NAV2: variants seen among roughly 807,000 people sequenced by gnomAD.
The protein encoded by NAV2 is helicase, APC down-regulated 1.
Under a neutral mutation model 223.2 loss-of-function variants are expected in NAV2, and 54 were observed. That is an observed-to-expected ratio of 0.24 (90% CI 0.19 to 0.30). NAV2 has a LOEUF of 0.30. Ranked by LOEUF, NAV2 falls within the 10% of genes least tolerant of loss-of-function variation. The pLI is 1.00. For synonymous variants in NAV2, 1,279 were observed against 1,239.3 expected (o/e 1.03, Z -0.67); for missense variants, 2,806 against 3,147.5 (o/e 0.89, Z 2.60).
intron 1 of NAV2, among the ~76,000 whole-genome samples, chr11:19,356,134 A>G (rs1853601285): frequency 6.6e-6 from 1 of 152,130 alleles, no homozygotes; most frequent in African/African-American, 2.4e-5. Context: ...GAATGAAGGG[A>G]GTGTTAAGCA....
At chr11:19,989,995 G>C (rs1022672715) in intron 11 of NAV2, among the ~76,000 whole-genome samples, 2 of 152,128 alleles carry the variant, frequency 1.3e-5, no homozygotes, top group Admixed American at 1.3e-4. Flanking sequence ...CAAACAGCTG[G>C]AAAAGTGAAC....
chr11:19,569,686 G>A (rs1488615384), intron 1 of NAV2, among the ~76,000 whole-genome samples: 2 of 152,086 alleles, frequency 1.3e-5, no homozygotes, highest in Non-Finnish European at 2.9e-5. Flanking sequence ...TCAACTTCAA[G>A]GCAAGGAATC....
intron 4 of NAV2, among the ~76,000 whole-genome samples, chr11:19,878,343 T>A (rs1477495170): frequency 6.6e-6 from 1 of 152,212 alleles, no homozygotes; most frequent in African/African-American, 2.4e-5. Context: ...CCAAGATGAA[T>A]GAAGGACTTC....
intron 37 of NAV2, among the ~76,000 whole-genome samples, chr11:20,117,622 C>T (rs2063227203): frequency 6.6e-6 from 1 of 152,068 alleles, no homozygotes; most frequent in African/African-American, 2.4e-5. Flanking sequence ...CTGGCCAGAG[C>T]AAGGAGAAGA....
intron 1 of NAV2, among the ~76,000 whole-genome samples, chr11:19,596,994 G>C (rs2046222549): frequency 6.6e-6 from 1 of 152,170 alleles, no homozygotes; most frequent in South Asian, 2.1e-4. Flanking sequence ...CACCTAGCTG[G>C]CCCCCCTGAC....
At position 19,427,638 on chromosome 11, in the gene NAV2, C is replaced by A. The variant is rs1444553915; in HGVS notation, c.75+76611C>A. 1.3e-5 allele frequency among the ~76,000 whole-genome samples: 2 copies of A among 152,014 alleles called. 1 individual carries two copies. The highest frequency in any genetic ancestry group is 4.8e-5 in the African/African-American group (2 of 41,390). On this transcript the variant is annotated intron_variant, in intron 1 of 37. Transcript: ENST00000360655. ...TTAATTTCTGGGATGGGGGTCAAGG[C>A]GGGGCGGAATTGCAATCTCCCACAG...
At chr11:19,759,660 G>A (rs183661461) in intron 1 of NAV2, among the ~76,000 whole-genome samples, 209 of 152,224 alleles carry the variant, frequency 1.4e-3, no homozygotes, top group African/African-American at 4.7e-3. Flanking sequence ...CTACTTACTA[G>A]CTATGTTTTC....
At chr11:19,767,604 A>G (rs1332466804) in intron 1 of NAV2, among the ~76,000 whole-genome samples, 1 of 152,242 alleles carries the variant, frequency 6.6e-6, no homozygotes, top group East Asian at 1.9e-4. Context: ...ACTTTCAATG[A>G]GCACTGATCA....
intron 1 of NAV2, among the ~76,000 whole-genome samples, chr11:19,412,345 G>A (rs1253576722): frequency 2.0e-5 from 3 of 152,214 alleles, no homozygotes; most frequent in African/African-American, 4.8e-5. Context: ...AGCTCAAAAA[G>A]CTGCTGTAGC....
Position 19,578,984 on chromosome 11 carries a change from G to A in NAV2, c.75+227957G>A, listed in dbSNP as rs111858677. On this transcript the variant is annotated intron_variant, in intron 1 of 37. Transcript: ENST00000360655. The stretch of plus-strand genomic sequence containing the variant: ...GGCCTAGATGTAAATGTGTGTGTGT[G>A]TAAGTTTCAACATCCAGGACTATCA... Among the ~76,000 whole-genome samples the A allele has an allele frequency of 8.4e-3, 1,277 of 152,296 alleles. 16 individuals carry two copies. Among genetic ancestry groups the A allele is most frequent in the Admixed American group, 0.036 (558 of 15,302 alleles).
intron 10 of NAV2, among the ~76,000 whole-genome samples, chr11:19,963,796 C>T (rs1236924328): frequency 3.3e-5 from 5 of 152,098 alleles, no homozygotes; most frequent in Non-Finnish European, 7.4e-5. Context: ...TGGTTCTCTG[C>T]GTGCTGGAAA....
At chr11:19,741,942 A>G (rs576999432) in intron 1 of NAV2, among the ~76,000 whole-genome samples, 195 of 152,072 alleles carry the variant, frequency 1.3e-3, no homozygotes, top group Middle Eastern at 3.4e-3. Flanking sequence ...TATTTTTCAT[A>G]ATGCCTGCTT....
rs762113930 is a variant in NAV2 at position 20,044,144 on chromosome 11, C to G, written c.3071C>G (p.Ser1024Trp). 6.2e-7 allele frequency: 1 copy of G among 1,614,128 alleles called. No homozygotes were observed. The highest frequency in any genetic ancestry group is 1.7e-5 in the Admixed American group (1 of 60,022). Residue 1024 changes from serine to tryptophan, a missense_variant, in exon 13 of 38, where the codon TCG becomes TGG. Physicochemically the swap from Ser to Trp is radical, Grantham distance 177. This residue lies in a region of NAV2 where 742 missense variants were observed against 777.9 expected (regional missense o/e 0.95). Transcript: ENST00000349880. ...TCTGACGAGTCCGACAAAAGCACGT[C>G]GGGCAAGAAGAATCCTGTCATCTCC... ...DVSDESDKST[S>W]GKKNPVISQT...
At chr11:19,655,365 C>T (rs2048089653) in intron 1 of NAV2, among the ~76,000 whole-genome samples, 1 of 152,098 alleles carries the variant, frequency 6.6e-6, no homozygotes, top group African/African-American at 2.4e-5. Context: ...CTAGAAATAC[C>T]ATTTGACCCA....
intron 1 of NAV2, among the ~76,000 whole-genome samples, chr11:19,377,046 A>G (rs1057306589): frequency 6.6e-6 from 1 of 152,228 alleles, no homozygotes; most frequent in Non-Finnish European, 1.5e-5. Flanking sequence ...AGAAGGCTGT[A>G]AAACATGGCG....
At chr11:20,077,461 C>A (rs1282320237) in intron 22 of NAV2, 91 bp from the exon 23 acceptor site, 3 of 950,036 alleles carry the variant, frequency 3.2e-6, no homozygotes, top group Non-Finnish European at 5.0e-6. Flanking sequence ...GATCAATGGA[C>A]CCACAGGATT....
intron 8 of NAV2, among the ~76,000 whole-genome samples, chr11:19,945,352 C>G (rs1018145626): frequency 4.7e-5 from 7 of 150,182 alleles, no homozygotes; most frequent in African/African-American, 1.7e-4. Context: ...CTTCCCTTTC[C>G]TTCCCTTCCC....
At chr11:19,981,777 CCATTACT>C (rs1353233164) in intron 10 of NAV2, among the ~76,000 whole-genome samples, 1 of 152,152 alleles carries the variant, frequency 6.6e-6, no homozygotes, top group Non-Finnish European at 1.5e-5. Context: ...TGCCCATAAC[CCATTACT>C]CTACCCTGAG....
rs1420439043 is a variant in NAV2, at chr11:19,425,146, C to A, written c.75+74119C>A. Among the ~76,000 whole-genome samples, 3 of 151,992 alleles carry A rather than the reference C, an allele frequency of 2.0e-5. No individual in the cohort carries two copies. The East Asian group carries it at 5.8e-4, about 29-fold the overall frequency. ...AGTGGCAAGGCTCATTATAGAGGTG[C>A]AAATTAATGCTGGAATAGTTCAGTG... On this transcript the variant is annotated intron_variant, in intron 1 of 37. Transcript: ENST00000360655.
Sources: gnomAD v4.1 joint callset for allele counts (sites outside exome capture counted in the v4.1 genomes callset) on GRCh38, gnomAD v4.1.1 for gene constraint, gnomAD v4.1.1 regional missense constraint, MANE v1.5 for transcripts, NCBI Gene and HGNC (gene_info 2026-07-23, HGNC 2026-07-21) for gene names.